POLR3B: variants seen among roughly 807,000 people sequenced by gnomAD.
POLR3B encodes DNA-directed RNA polymerase III subunit RPC2.
In POLR3B, 96 loss-of-function variants were observed where a neutral mutation model predicts 147.4. The ratio of observed to expected loss-of-function variants is 0.65; its 90% CI spans 0.55 to 0.77. The LOEUF is 0.77. Among genes scored for constraint, POLR3B ranks in the 30% least tolerant of loss-of-function variants. POLR3B has a pLI of 0.00. For missense variants in POLR3B, 1,036 were observed against 1,413.5 expected (o/e 0.73, Z 4.28); for synonymous variants, 461 against 485.9 (o/e 0.95, Z 0.67).
At chr12:106,432,103 CTA>C (rs1270490584) in intron 14 of POLR3B, among the ~76,000 whole-genome samples, 1 of 152,164 alleles carries the variant, frequency 6.6e-6, no homozygotes, top group Non-Finnish European at 1.5e-5. Flanking sequence ...GTATCTAAAT[CTA>C]TTTTATATCC....
At chr12:106,395,165 A>G (rs1593016249) in intron 10 of POLR3B, among the ~76,000 whole-genome samples, 2 of 152,082 alleles carry the variant, frequency 1.3e-5, no homozygotes, top group African/African-American at 4.8e-5. Context: ...CTGAGAGGTC[A>G]AGGCTGCAGT....
chr12:106,503,533 G>A (rs1258713579), intron 26 of POLR3B, among the ~76,000 whole-genome samples: 2 of 152,106 alleles, frequency 1.3e-5, no homozygotes, highest in Non-Finnish European at 2.9e-5. Context: ...TCTGGGTCCT[G>A]TATTCTTAAC....
At chr12:106,448,936 A>G (rs1394287913) in intron 19 of POLR3B, among the ~76,000 whole-genome samples, 4 of 151,946 alleles carry the variant, frequency 2.6e-5, no homozygotes, top group African/African-American at 9.7e-5. Context: ...TTTCCTGTCC[A>G]TTGTGGATCA....
chr12:106,472,362 A>C (rs1263080185), intron 23 of POLR3B, among the ~76,000 whole-genome samples: 76 of 150,174 alleles, frequency 5.1e-4, no homozygotes, highest in African/African-American at 1.6e-3. Context: ...ATTTATAGTC[A>C]TTTGGTTATA....
At chr12:106,478,282 G>A (rs891907536) in intron 23 of POLR3B, among the ~76,000 whole-genome samples, 4 of 152,136 alleles carry the variant, frequency 2.6e-5, no homozygotes, top group Admixed American at 1.3e-4. Flanking sequence ...TAGGTAAAAC[G>A]TCAGGAAGGT....
At chr12:106,407,438 C>T (rs2037165070) in intron 11 of POLR3B, among the ~76,000 whole-genome samples, 1 of 152,140 alleles carries the variant, frequency 6.6e-6, no homozygotes, top group Non-Finnish European at 1.5e-5. Context: ...TTCTCAGGAG[C>T]TACACTTACC....
chr12:106,463,705 A>G, intron 23 of POLR3B, 85 bp downstream of exon 23: 8 of 1,163,188 alleles, frequency 6.9e-6, no homozygotes, highest in Non-Finnish European at 1.0e-5. Context: ...CCCCATTTAA[A>G]AAATTTACTT....
intron 10 of POLR3B, among the ~76,000 whole-genome samples, chr12:106,398,194 A>G (rs7315549): frequency 2.0e-5 from 3 of 152,072 alleles, no homozygotes; most frequent in African/African-American, 7.2e-5. Context: ...TATCCCGCAC[A>G]TGACTCGGAG....
chr12:106,373,524 C>T (rs11112955), intron 6 of POLR3B, among the ~76,000 whole-genome samples: 2,847 of 152,136 alleles, frequency 0.019, 84 homozygotes, highest in East Asian at 0.14. Context: ...GAGGCTGAGG[C>T]GGGTGGATCA....
chr12:106,370,276 A>G (rs2036586137), intron 6 of POLR3B, among the ~76,000 whole-genome samples: 2 of 152,236 alleles, frequency 1.3e-5, no homozygotes, highest in South Asian at 4.1e-4. Context: ...AGCACTTTGA[A>G]CAAACATCCA....
rs1304936807 is a variant in POLR3B, at chr12:106,357,941, C to A, written c.62C>A (p.Pro21Gln). ...CCGGAGCAGCTGGCGGCGCCGATCC[C>A]GACTGTAGAGGTCAGTGCCAGGCAC... is the stretch of plus-strand genomic sequence containing the variant. Reference protein sequence around the residue: ...LTPEQLAAPIPTVEEKWRLLP... With the variant: ...LTPEQLAAPIQTVEEKWRLLP... The change falls in exon 1 of 28, where the codon CCG (proline) becomes CAG (glutamine). Residue 21 changes from proline (P) to glutamine (Q), a missense_variant. Pro to Gln is a moderately conservative substitution (Grantham distance 76). Around this residue, in one of 12 missense-constraint regions of POLR3B, gnomAD observed 150 missense variants for 145.5 expected, o/e 1.03. Coordinates refer to ENST00000228347, the MANE Select transcript of POLR3B (RefSeq NM_018082.6). 5 of 1,612,832 alleles carry A rather than the reference C, an allele frequency of 3.1e-6. No homozygotes were observed. Among genetic ancestry groups the A allele is most frequent in the African/African-American group, 2.7e-5 (2 of 74,910 alleles).
intron 27 of POLR3B, among the ~76,000 whole-genome samples, chr12:106,508,764 A>G (rs1373757940): frequency 6.6e-6 from 1 of 152,234 alleles, no homozygotes; most frequent in Non-Finnish European, 1.5e-5. Flanking sequence ...ATGCACACAT[A>G]CACACATTTC....
At chr12:106,436,242 C>T (rs764326953) in intron 16 of POLR3B, among the ~76,000 whole-genome samples, 27 of 152,172 alleles carry the variant, frequency 1.8e-4, no homozygotes, top group Non-Finnish European at 5.9e-5. Context: ...TGGTTACTTG[C>T]TCCTCTCTGT....
intron 23 of POLR3B, among the ~76,000 whole-genome samples, chr12:106,471,643 C>T (rs562475716): frequency 7.6e-4 from 115 of 152,206 alleles, no homozygotes; most frequent in Middle Eastern, 3.4e-3. Context: ...AGACCATGTC[C>T]TTGTATTCTC....
chr12:106,435,132 A>T (rs1212406942), intron 16 of POLR3B, among the ~76,000 whole-genome samples: 7 of 145,338 alleles, frequency 4.8e-5, no homozygotes, highest in South Asian at 2.2e-4. Context: ...CCATTAAATT[A>T]TTTTTTTTTT....
At chr12:106,395,351 G>C (rs946507945) in intron 10 of POLR3B, among the ~76,000 whole-genome samples, 2 of 152,214 alleles carry the variant, frequency 1.3e-5, no homozygotes, top group African/African-American at 4.8e-5. Context: ...TTCCAATCAT[G>C]GCAGAAGGCA....
intron 9 of POLR3B, among the ~76,000 whole-genome samples, chr12:106,380,550 T>G (rs1314976158): frequency 6.6e-6 from 1 of 152,080 alleles, no homozygotes; most frequent in Non-Finnish European, 1.5e-5. Context: ...GCCACTCTGC[T>G]CCAGCCTGGA....
At position 106,496,776 on chromosome 12, in the gene POLR3B, G is replaced by A. The variant is rs757853544; in HGVS notation, c.2842G>A (p.Ala948Thr). 1 of 1,614,128 alleles carries A rather than the reference G, an allele frequency of 6.2e-7. No individual in the cohort carries two copies. Among genetic ancestry groups the A allele is most frequent in the Non-Finnish European group, 8.5e-7 (1 of 1,180,012 alleles). The change falls in exon 25 of 28, where the codon GCT becomes ACT. Residue 948 changes from alanine to threonine, a missense_variant. Coordinates refer to ENST00000228347, the MANE Select transcript of POLR3B (RefSeq NM_018082.6). ...GGTGGGGAAGCTCATTGAGCTGCTG[G>A]CTGGCAAGGCCGGTGTGCTGGACGG... ...MTVGKLIELLAGKAGVLDGRF... is the reference protein window; with the variant it reads ...MTVGKLIELLTGKAGVLDGRF...
At position 106,372,042 on chromosome 12, in the gene POLR3B, C is replaced by T. The variant is rs545943093; in HGVS notation, c.404+2359C>T. Among the ~76,000 whole-genome samples the T allele has an allele frequency of 2.4e-4, 36 of 152,194 alleles. No individual in the cohort carries two copies. In the South Asian group the frequency reaches 3.9e-3, roughly 17 times the overall value. Reference sequence around the variant, plus strand: ...GATAGGCAATGTTGTTTGTTAGCTCCGCATTCATAAAAAAGACCTCTAGTC... The same window carrying T: ...GATAGGCAATGTTGTTTGTTAGCTCTGCATTCATAAAAAAGACCTCTAGTC... On this transcript the variant is annotated intron_variant, in intron 6 of 27. Coordinates refer to ENST00000228347, the MANE Select transcript of POLR3B (RefSeq NM_018082.6).
Sources: gnomAD v4.1 joint callset for allele counts (sites outside exome capture counted in the v4.1 genomes callset) on GRCh38, gnomAD v4.1.1 for gene constraint, gnomAD v4.1.1 regional missense constraint, MANE v1.5 for transcripts, NCBI Gene and HGNC (gene_info 2026-07-23, HGNC 2026-07-21) for gene names.